The following SLC2A9 variants were observed in gnomAD, a reference collection of about 807,000 sequenced individuals.
SLC2A9 encodes solute carrier family 2, facilitated glucose transporter member 9.
A neutral mutation model predicts 50.6 loss-of-function variants in SLC2A9; 39 were observed. That is an observed-to-expected ratio of 0.77 (90% confidence interval 0.60 to 1.01). SLC2A9 has a LOEUF of 1.01. Among genes scored for constraint, SLC2A9 ranks in the 50% least tolerant of loss-of-function variants. The pLI, the probability that SLC2A9 is intolerant of heterozygous loss-of-function variation, is 0.00. For missense variants in SLC2A9, 686 were observed against 677.6 expected, an observed-to-expected ratio of 1.01 and a Z score of -0.14; for synonymous variants, 324 against 276.9, an observed-to-expected ratio of 1.17 and a Z score of -1.69.
At chr4:9,952,917 T>C (rs1750575178) in intron 5 of SLC2A9, among the ~76,000 whole-genome samples, 1 of 152,172 alleles carries the variant, frequency 6.6e-6, no homozygotes, top group Non-Finnish European at 1.5e-5. Context: ...CCAGAAGCGG[T>C]CGGGTCATTT....
chr4:9,851,998 T>C (rs899903783), intron 10 of SLC2A9, among the ~76,000 whole-genome samples: 1 of 152,176 alleles, frequency 6.6e-6, no homozygotes, highest in Non-Finnish European at 1.5e-5. Flanking sequence ...GAAAACATAT[T>C]TGAGGATATT....
chr4:9,814,576 T>C (rs1723326762), intron 3 of SLC2A9, among the ~76,000 whole-genome samples: 2 of 152,198 alleles, frequency 1.3e-5, no homozygotes. Flanking sequence ...TGTTCTTCTC[T>C]TCTTCTGTTA....
chr4:9,920,503 A>T lies in SLC2A9; in HGVS notation c.884T>A (p.Val295Glu), dbSNP rs1250959128. The change falls in exon 7 of 12, where the codon GTG becomes GAG. Residue 295 changes from valine to glutamate, a missense_variant. Transcript: ENST00000264784. ...EVEEVLAESRVQRSIRLVSVL... is the reference protein window; with the variant it reads ...EVEEVLAESREQRSIRLVSVL... ...GGACACCAGGCGGATGCTCCTCTGCACGCGGCTCTCAGCCAGGACCTCCTC... is the reference window on the plus strand; with the variant it reads ...GGACACCAGGCGGATGCTCCTCTGCTCGCGGCTCTCAGCCAGGACCTCCTC... 3 of 1,614,188 alleles carry T rather than the reference A, an allele frequency of 1.9e-6. No homozygotes were observed. The highest frequency in any genetic ancestry group is 3.3e-5 in the Admixed American group (2 of 60,030).
chr4:10,016,032 T>G (rs1762551568), intron 2 of SLC2A9, among the ~76,000 whole-genome samples: 1 of 152,288 alleles, frequency 6.6e-6, no homozygotes, highest in South Asian at 2.1e-4. Context: ...ACTCAAGGCC[T>G]CCTCGGGGTG....
intron 11 of SLC2A9, among the ~76,000 whole-genome samples, chr4:9,834,198 C>T (rs1318192252): frequency 1.3e-5 from 2 of 152,192 alleles, no homozygotes; most frequent in Non-Finnish European, 2.9e-5. Context: ...CTTCCAGAGC[C>T]CTTCACGATT....
At chr4:9,794,207 G>A (rs1224724445), downstream of SLC2A9, among the ~76,000 whole-genome samples, 1 of 151,200 alleles carries the variant, frequency 6.6e-6, no homozygotes, top group African/African-American at 2.4e-5. Flanking sequence ...GGAGTGCAAT[G>A]GTGCGATCTT....
chr4:9,857,949 G>T (rs997196736), intron 10 of SLC2A9, among the ~76,000 whole-genome samples: 2 of 152,158 alleles, frequency 1.3e-5, no homozygotes, highest in Non-Finnish European at 2.9e-5. Flanking sequence ...CACTGCCACG[G>T]TACCTAGGGG....
chr4:9,821,458 G>C (rs530627728), downstream of SLC2A9, among the ~76,000 whole-genome samples: 1 of 152,178 alleles, frequency 6.6e-6, no homozygotes, highest in African/African-American at 2.4e-5. Flanking sequence ...GAGAACACGT[G>C]GACACAGGGA....
intron 10 of SLC2A9, among the ~76,000 whole-genome samples, chr4:9,838,727 C>T (rs1254796379): frequency 6.6e-6 from 1 of 152,104 alleles, no homozygotes; most frequent in Admixed American, 6.5e-5. Flanking sequence ...TGATCTTTGA[C>T]ACACCTGACA....
At chr4:9,932,969 C>T (rs1746414102) in intron 6 of SLC2A9, among the ~76,000 whole-genome samples, 1 of 152,212 alleles carries the variant, frequency 6.6e-6, no homozygotes, top group Non-Finnish European at 1.5e-5. Flanking sequence ...GCCTCAGAGG[C>T]TGTGGTTCCC....
At chr4:10,023,599 G>T (rs1763654690), upstream of SLC2A9, among the ~76,000 whole-genome samples, 1 of 152,218 alleles carries the variant, frequency 6.6e-6, no homozygotes, top group Non-Finnish European at 1.5e-5. Context: ...GCTACAGCTG[G>T]ACAGAAAGTA....
chr4:9,993,210 G>A (rs1026742087), intron 3 of SLC2A9, among the ~76,000 whole-genome samples: 1 of 152,218 alleles, frequency 6.6e-6, no homozygotes, highest in Non-Finnish European at 1.5e-5. Flanking sequence ...AAGCCCATGT[G>A]TGTTTTCCTA....
rs184229724 is a variant in SLC2A9, at chr4:9,884,544, T to C, written c.1291+3023A>G. On this transcript the variant is annotated intron_variant, in intron 10 of 11. Coordinates refer to ENST00000264784, the MANE Select transcript of SLC2A9 (RefSeq NM_020041.3). ...CATTGGCCATCTGTGCAACAGTGTA[T>C]TTGTTGGATGGAGGAAAGTGTGGGA... Among the ~76,000 whole-genome samples the C allele has an allele frequency of 1.5e-3, 235 of 152,214 alleles. 1 individual carries two copies. The highest frequency in any genetic ancestry group is 5.3e-3 in the African/African-American group (222 of 41,530).
At chr4:9,954,445 ACCT>A (rs1336580017) in intron 5 of SLC2A9, among the ~76,000 whole-genome samples, 1 of 152,110 alleles carries the variant, frequency 6.6e-6, no homozygotes, top group Non-Finnish European at 1.5e-5. Context: ...CACACTACTG[ACCT>A]CCTGCTCTGC....
intron 1 of SLC2A9, among the ~76,000 whole-genome samples, chr4:10,037,820 G>A (rs552629132): frequency 2.6e-5 from 4 of 152,160 alleles, no homozygotes; most frequent in East Asian, 3.9e-4. Flanking sequence ...GGCGGGTAGC[G>A]CATGCCTGTA....
Position 9,996,902 on chromosome 4 carries a change from G to A in SLC2A9, c.289C>T (p.His97Tyr). 1 of 1,614,126 alleles carries A rather than the reference G, an allele frequency of 6.2e-7. No individual in the cohort carries two copies. The highest frequency in any genetic ancestry group is 8.5e-7 in the Non-Finnish European group (1 of 1,179,996). The change falls in exon 3 of 12, where the codon CAT (histidine) becomes TAT (tyrosine). Residue 97 changes from histidine (H) to tyrosine (Y), a missense_variant. His to Tyr is a moderately conservative substitution (Grantham distance 83). Coordinates refer to ENST00000264784, the MANE Select transcript of SLC2A9 (RefSeq NM_020041.3). ...GTGTCTGGGTCTATTGGACGTCCAT[G>A]CCTTCTTTCCCATGACTCATTGTAA... ...AFYNESWERR[H>Y]GRPIDPDTLT...
chr4:9,881,248 C>G (rs1453208727), intron 10 of SLC2A9, among the ~76,000 whole-genome samples: 1 of 152,208 alleles, frequency 6.6e-6, no homozygotes, highest in Non-Finnish European at 1.5e-5. Flanking sequence ...TAGAAAATGC[C>G]AAGCCTGGGC....
intron 6 of SLC2A9, among the ~76,000 whole-genome samples, chr4:9,922,075 T>C (rs1041089482): frequency 2.6e-4 from 40 of 152,362 alleles, no homozygotes; most frequent in African/African-American, 8.4e-4. Flanking sequence ...GCAAAGGATA[T>C]GATGTCATTC....
intron 2 of SLC2A9, among the ~76,000 whole-genome samples, chr4:10,005,914 G>A (rs956089787): frequency 6.6e-6 from 1 of 152,128 alleles, no homozygotes; most frequent in African/African-American, 2.4e-5. Context: ...TGCGCCTCAG[G>A]TTCCTCATCT....
Sources: allele counts gnomAD v4.1 joint callset (sites outside exome capture counted in the v4.1 genomes callset), GRCh38; gene constraint gnomAD v4.1.1; transcripts MANE v1.5; gene names NCBI Gene and HGNC (gene_info 2026-07-23, HGNC 2026-07-21).